The following EYS variants were observed in gnomAD, a reference collection of about 807,000 sequenced individuals.
EYS encodes the protein EGF-like photoreceptor maintenance factor, also known as protein eyes shut homolog.
In EYS, 250 loss-of-function variants were observed where a neutral mutation model predicts 282.1. The observed-to-expected ratio is 0.89, with a 90% CI of 0.80 to 0.98. EYS has a LOEUF of 0.98. EYS is among the 50% of genes least tolerant of loss of function. The pLI, the probability that EYS is intolerant of heterozygous loss-of-function variation, is 0.00. For synonymous variants in EYS, 1,355 were observed against 1,282.9 expected, an observed-to-expected ratio of 1.06 and a Z score of -1.20; for missense variants, 4,016 against 3,709.0, an observed-to-expected ratio of 1.08 and a Z score of -2.15.
intron 12 of EYS, among the ~76,000 whole-genome samples, chr6:65,265,889 T>A (rs1767740607): frequency 6.6e-6 from 1 of 151,924 alleles, no homozygotes; most frequent in African/African-American, 2.4e-5. Flanking sequence ...CACCTTAACT[T>A]ACTGGGTGTT....
At chr6:64,735,971 T>G (rs1390535053) in intron 22 of EYS, among the ~76,000 whole-genome samples, 2 of 151,976 alleles carry the variant, frequency 1.3e-5, no homozygotes, top group Non-Finnish European at 2.9e-5. Context: ...ATCAAACCGA[T>G]AGCTTAGTCC....
At chr6:65,229,730 A>C (rs1390647680) in intron 12 of EYS, among the ~76,000 whole-genome samples, 1 of 151,932 alleles carries the variant, frequency 6.6e-6, no homozygotes, top group Non-Finnish European at 1.5e-5. Flanking sequence ...AAAGTGAAAA[A>C]ACATAATGTT....
In EYS at chr6:63,971,627, A is replaced by G. The variant is rs76137602; in HGVS notation, c.7055+12756T>C. On this transcript the variant is annotated intron_variant, in intron 35 of 42. Transcript: ENST00000503581. Reference sequence around the variant, plus strand: ...TTTTGAGGCTTTAATTTGTGTTTCTAAGTGGATGGGTAGACTAGAGAAGGA... The same window carrying G: ...TTTTGAGGCTTTAATTTGTGTTTCTGAGTGGATGGGTAGACTAGAGAAGGA... Among the ~76,000 whole-genome samples, 7 of 152,264 alleles carry G rather than the reference A, an allele frequency of 4.6e-5. No homozygotes were observed. In the East Asian group the frequency reaches 1.4e-3, roughly 29 times the overall value.
intron 5 of EYS, among the ~76,000 whole-genome samples, chr6:65,445,992 A>C (rs1768640662): frequency 6.6e-6 from 1 of 151,830 alleles, no homozygotes; most frequent in South Asian, 2.1e-4. Context: ...TAAAAGTAGT[A>C]GAGTTTGAAA....
intron 26 of EYS, among the ~76,000 whole-genome samples, chr6:64,486,765 G>C (rs1183396050): frequency 6.6e-6 from 1 of 151,302 alleles, no homozygotes; most frequent in Admixed American, 6.6e-5. Context: ...AATTCAGCCT[G>C]TGGCTGCCTT....
intron 35 of EYS, among the ~76,000 whole-genome samples, chr6:63,963,535 G>C (rs561598855): frequency 1.3e-5 from 2 of 152,268 alleles, no homozygotes; most frequent in South Asian, 4.1e-4. Context: ...ATTGCTTTCT[G>C]CTCCTGGCGC....
chr6:64,015,941 G>A (rs1230216095), intron 33 of EYS, among the ~76,000 whole-genome samples: 2 of 152,212 alleles, frequency 1.3e-5, no homozygotes, highest in Non-Finnish European at 2.9e-5. Context: ...GAGGCAAAAA[G>A]GAAAGTAAGG....
chr6:64,420,770 A>T (rs955795524), intron 28 of EYS, among the ~76,000 whole-genome samples: 1 of 152,184 alleles, frequency 6.6e-6, no homozygotes, highest in East Asian at 1.9e-4. Context: ...AGTCTCCTTG[A>T]TAAAGCATAG....
intron 28 of EYS, among the ~76,000 whole-genome samples, chr6:64,404,806 G>A (rs1773655118): frequency 6.6e-6 from 1 of 151,992 alleles, no homozygotes; most frequent in African/African-American, 2.4e-5. Flanking sequence ...GAGTGTGCCA[G>A]GCAGAGGGAA....
At chr6:64,094,376 A>T (rs186887001) in intron 31 of EYS, among the ~76,000 whole-genome samples, 134 of 152,202 alleles carry the variant, frequency 8.8e-4, no homozygotes, top group South Asian at 4.6e-3. Context: ...CTGTGAATCC[A>T]TCTGGTCCTG....
intron 31 of EYS, among the ~76,000 whole-genome samples, chr6:64,215,045 T>C (rs1765889238): frequency 1.3e-5 from 2 of 152,042 alleles, no homozygotes; most frequent in African/African-American, 2.4e-5. Context: ...TTCTGATTTC[T>C]ATTATCTAAA....
At chr6:64,331,441 G>A (rs1057424056) in intron 29 of EYS, among the ~76,000 whole-genome samples, 2 of 152,032 alleles carry the variant, frequency 1.3e-5, no homozygotes, top group Non-Finnish European at 2.9e-5. Flanking sequence ...AACTAAGAAG[G>A]AAGAGGAAAC....
chr6:64,114,621 T>C (rs1487750791), intron 31 of EYS, among the ~76,000 whole-genome samples: 1 of 152,222 alleles, frequency 6.6e-6, no homozygotes, highest in Non-Finnish European at 1.5e-5. Context: ...CTGTCAGCCA[T>C]GCAGTGAGTG....
intron 35 of EYS, among the ~76,000 whole-genome samples, chr6:63,953,366 C>T (rs954093484): frequency 6.6e-6 from 1 of 152,156 alleles, no homozygotes; most frequent in African/African-American, 2.4e-5. Flanking sequence ...GCCCCTCCTA[C>T]AAATCTTCCC....
chr6:64,145,641 C>A (rs957655338), intron 31 of EYS, among the ~76,000 whole-genome samples: 7 of 152,082 alleles, frequency 4.6e-5, no homozygotes, highest in Non-Finnish European at 7.4e-5. Context: ...AAAACCTTAT[C>A]TTTTTTTCTT....
intron 28 of EYS, among the ~76,000 whole-genome samples, chr6:64,430,575 G>A (rs1774544475): frequency 6.6e-6 from 1 of 152,116 alleles, no homozygotes; most frequent in Admixed American, 6.6e-5. Flanking sequence ...GTTATAAATT[G>A]TGTTTACTGA....
chr6:64,939,616 T>C (rs1358415579), intron 15 of EYS, among the ~76,000 whole-genome samples: 1 of 151,910 alleles, frequency 6.6e-6, no homozygotes, highest in East Asian at 1.9e-4. Flanking sequence ...TGTTGGGATA[T>C]ATAAGAATAT....
At chr6:64,487,656 T>G (rs1776616909) in intron 26 of EYS, among the ~76,000 whole-genome samples, 1 of 151,010 alleles carries the variant, frequency 6.6e-6, no homozygotes, top group African/African-American at 2.4e-5. Context: ...TGGGATACTA[T>G]CAATAATTTC....
In EYS at chr6:65,107,803, T is replaced by C. The variant is rs144529482; in HGVS notation, c.2024-50076A>G. On this transcript the variant is annotated intron_variant, in intron 12 of 42. Transcript: ENST00000503581. Reference sequence around the variant, plus strand: ...CATGGTTGGTTTAAGTCTGCCACTTTATTTTTTATATACTACTTGGTTGCC... The same window carrying C: ...CATGGTTGGTTTAAGTCTGCCACTTCATTTTTTATATACTACTTGGTTGCC... 1.0e-3 allele frequency among the ~76,000 whole-genome samples: 156 copies of C among 152,196 alleles called. 1 individual carries two copies. The highest frequency in any genetic ancestry group is 3.4e-3 in the Middle Eastern group (1 of 294).
Sources: allele counts gnomAD v4.1 joint callset (sites outside exome capture counted in the v4.1 genomes callset), GRCh38; gene constraint gnomAD v4.1.1; transcripts MANE v1.5; gene names NCBI Gene and HGNC (gene_info 2026-07-23, HGNC 2026-07-21).